Variants in FAM3C observed in about 807,000 individuals in gnomAD.
FAM3C encodes protein FAM3C.
Under a neutral mutation model 32.5 loss-of-function variants are expected in FAM3C, and 15 were observed. The ratio of observed to expected loss-of-function variants is 0.46; its 90% CI spans 0.31 to 0.71. The LOEUF is 0.71. Among genes scored for constraint, FAM3C ranks in the 30% least tolerant of loss-of-function variants. The pLI is 0.05. For synonymous variants in FAM3C, 75 were observed against 86.1 expected (o/e 0.87, Z 0.72); for missense variants, 175 against 274.4 (o/e 0.64, Z 2.56).
At chr7:121,375,845 C>T (rs1007395652) in intron 3 of FAM3C, among the ~76,000 whole-genome samples, 3 of 152,208 alleles carry the variant, frequency 2.0e-5, no homozygotes, top group African/African-American at 4.8e-5. Flanking sequence ...CTGGTTCAGT[C>T]TCTTCGCATT....
At chr7:121,381,934 A>G (rs962909971) in intron 2 of FAM3C, among the ~76,000 whole-genome samples, 4 of 152,202 alleles carry the variant, frequency 2.6e-5, no homozygotes, top group African/African-American at 9.6e-5. Flanking sequence ...TGACCACAGT[A>G]TGAAGACTGG....
At chr7:121,379,798 A>G (rs1435490530) in intron 2 of FAM3C, among the ~76,000 whole-genome samples, 1 of 152,204 alleles carries the variant, frequency 6.6e-6, no homozygotes, top group African/African-American at 2.4e-5. Flanking sequence ...AAATCTCTGC[A>G]TCTTCCTCTC....
chr7:121,387,148 C>G (rs181861676), intron 1 of FAM3C, among the ~76,000 whole-genome samples: 1 of 152,134 alleles, frequency 6.6e-6, no homozygotes, highest in East Asian at 1.9e-4. Flanking sequence ...TCTTTATAGA[C>G]ACTGAAATTT....
rs767040432 is a variant in FAM3C, at chr7:121,364,225, A to G, written c.273-37T>C. On this transcript the variant is annotated intron_variant, in intron 5 of 9. Transcript: ENST00000359943. ...GAAATTGAAATAAATTTAGAATTAA[A>G]TATTGTACAATAACATATCAGAAAA... The G allele has an allele frequency of 4.7e-6, 6 of 1,269,990 alleles. No homozygotes were observed. The Admixed American group carries it at 8.6e-5, about 18-fold the overall frequency. The allele number at this position is 1,269,990 out of a possible 1,614,324, so 78.7% of individuals were successfully genotyped here.
chr7:121,365,642 A>G (rs1794009450), intron 5 of FAM3C, among the ~76,000 whole-genome samples: 1 of 152,092 alleles, frequency 6.6e-6, no homozygotes, highest in Admixed American at 6.5e-5. Flanking sequence ...CAAATAATAA[A>G]ATAGACTTAA....
At chr7:121,373,648 A>G (rs975165247) in intron 3 of FAM3C, among the ~76,000 whole-genome samples, 1 of 152,338 alleles carries the variant, frequency 6.6e-6, no homozygotes, top group Middle Eastern at 3.4e-3. Context: ...GTTGTTAATA[A>G]TGTCTCAAGT....
intron 1 of FAM3C, among the ~76,000 whole-genome samples, chr7:121,394,381 A>T (rs899243884): frequency 2.6e-5 from 4 of 152,232 alleles, no homozygotes; most frequent in Non-Finnish European, 4.4e-5. Flanking sequence ...AGCAATCCAC[A>T]TTAAAAATCT....
chr7:121,390,792 G>C (rs1048789312), intron 1 of FAM3C, among the ~76,000 whole-genome samples: 1 of 137,100 alleles, frequency 7.3e-6, no homozygotes, highest in African/African-American at 2.8e-5. Context: ...TTCGTGCTCA[G>C]ATCTGAGAGC....
At chr7:121,351,860 G>A (rs1793712435) in intron 8 of FAM3C, among the ~76,000 whole-genome samples, 1 of 152,126 alleles carries the variant, frequency 6.6e-6, no homozygotes, top group South Asian at 2.1e-4. Flanking sequence ...AGCAGGAGGT[G>A]GAGCAGTGAC....
intron 1 of FAM3C, among the ~76,000 whole-genome samples, chr7:121,395,292 CATACAT>C (rs1794664463): frequency 6.8e-6 from 1 of 147,598 alleles, no homozygotes. Flanking sequence ...TATATGGATA[CATACAT>C]ATATATGGAT....
chr7:121,372,247 T>C (rs1794164102), intron 3 of FAM3C, 108 bp from the exon 4 acceptor site: 13 of 691,114 alleles, frequency 1.9e-5, no homozygotes, highest in Middle Eastern at 3.4e-4. Context: ...AATGATTCAG[T>C]ATACAATAAA....
At chr7:121,371,798 A>C (rs1385169947) in intron 4 of FAM3C, among the ~76,000 whole-genome samples, 2 of 152,162 alleles carry the variant, frequency 1.3e-5, no homozygotes, top group Non-Finnish European at 2.9e-5. Context: ...ATATATGCAC[A>C]AAAAATCGTC....
intron 8 of FAM3C, among the ~76,000 whole-genome samples, chr7:121,351,756 A>G (rs1187809502): frequency 6.6e-6 from 1 of 152,262 alleles, no homozygotes; most frequent in Non-Finnish European, 1.5e-5. Flanking sequence ...ATGAATTTTG[A>G]GAACAGATAT....
chr7:121,362,433 T>C (rs978862582), intron 7 of FAM3C, among the ~76,000 whole-genome samples: 13 of 152,328 alleles, frequency 8.5e-5, no homozygotes, highest in African/African-American at 2.9e-4. Context: ...AAACTGATAG[T>C]TTATCTTGTC....
At chr7:121,379,951 T>C (rs1298911620) in intron 2 of FAM3C, among the ~76,000 whole-genome samples, 1 of 152,240 alleles carries the variant, frequency 6.6e-6, no homozygotes, top group African/African-American at 2.4e-5. Flanking sequence ...TTCCATTTCC[T>C]ACCTTGTCCC....
intron 1 of FAM3C, among the ~76,000 whole-genome samples, chr7:121,391,153 G>A (rs1005553913): frequency 6.6e-6 from 1 of 152,082 alleles, no homozygotes; most frequent in Non-Finnish European, 1.5e-5. Flanking sequence ...TCCACTTAAC[G>A]AAATGAAATG....
intron 8 of FAM3C, 123 bp from the exon 9 acceptor site, chr7:121,351,392 A>G: frequency 1.1e-6 from 1 of 919,638 alleles, no homozygotes; most frequent in Non-Finnish European, 1.5e-6. Context: ...AACATTTTGG[A>G]AAATAATTTT....
chr7:121,392,136 G>A (rs771121370), intron 1 of FAM3C, among the ~76,000 whole-genome samples: 1 of 152,160 alleles, frequency 6.6e-6, no homozygotes. Flanking sequence ...GTTTGGAGCT[G>A]CTCAATTCAT....
At chr7:121,370,133 C>G (rs1794116373) in intron 5 of FAM3C, among the ~76,000 whole-genome samples, 1 of 152,106 alleles carries the variant, frequency 6.6e-6, no homozygotes, top group Non-Finnish European at 1.5e-5. Flanking sequence ...CTACAAACTT[C>G]TAAAATGCAA....
Sources: gnomAD v4.1 joint callset for allele counts (sites outside exome capture counted in the v4.1 genomes callset) on GRCh38, gnomAD v4.1.1 for gene constraint, MANE v1.5 for transcripts, NCBI Gene and HGNC (gene_info 2026-07-23, HGNC 2026-07-21) for gene names.